The following SORCS3 variants were observed in gnomAD, a reference collection of about 807,000 sequenced individuals.
The protein encoded by SORCS3 is sortilin related VPS10 domain containing receptor 3, also known as VPS10 domain-containing receptor SorCS3.
A neutral mutation model predicts 146.3 loss-of-function variants in SORCS3; 57 were observed. That is an observed-to-expected ratio of 0.39 (90% confidence interval 0.31 to 0.49). The LOEUF (loss-of-function observed/expected upper bound fraction) is 0.49. Among genes scored for constraint, SORCS3 ranks in the 20% least tolerant of loss-of-function variants. SORCS3 has a pLI of 0.92. For synonymous variants in SORCS3, 653 were observed against 618.5 expected, an observed-to-expected ratio of 1.06 and a Z score of -0.83; for missense variants, 1,341 against 1,575.5, an observed-to-expected ratio of 0.85 and a Z score of 2.52.
chr10:105,098,859 G>A lies in SORCS3; in HGVS notation c.1094-6538G>A, dbSNP rs2055764611. 2.6e-5 allele frequency among the ~76,000 whole-genome samples: 4 copies of A among 152,254 alleles called. No homozygotes were observed. The South Asian group carries it at 8.3e-4, about 32-fold the overall frequency. On this transcript the variant is annotated intron_variant, in intron 6 of 26. Transcript: ENST00000369701. ...GGAAAGAGCCCTGAATGGGATGGTA[G>A]GACTGCTGAGATATTCAGTGTCACT...
At chr10:104,860,516 A>G (rs1183379104) in intron 2 of SORCS3, among the ~76,000 whole-genome samples, 1 of 150,238 alleles carries the variant, frequency 6.7e-6, no homozygotes, top group Non-Finnish European at 1.5e-5. Context: ...ACATGTATAC[A>G]CATGTAACTA....
intron 20 of SORCS3, among the ~76,000 whole-genome samples, chr10:105,238,694 T>C (rs2056806858): frequency 6.6e-6 from 1 of 152,226 alleles, no homozygotes. Context: ...TGATATAAGA[T>C]AGAACCAGAT....
chr10:104,878,498 G>A (rs1020287046), intron 2 of SORCS3, among the ~76,000 whole-genome samples: 1 of 152,138 alleles, frequency 6.6e-6, no homozygotes, highest in African/African-American at 2.4e-5. Context: ...AAAAAATTGA[G>A]CTATTGCCTT....
At chr10:105,182,230 C>CTTTTTTTTTTTTTTTTTTTTTTTTTTTTT (rs11340368) in intron 14 of SORCS3, among the ~76,000 whole-genome samples, 4 of 70,486 alleles carry the variant, frequency 5.7e-5, no homozygotes, top group Non-Finnish European at 8.0e-5. Flanking sequence ...TATTCAGCAT[C>CTTTTTTTTTTTTTTTTTTTTTTTTTTTTT]TTTTTTTTTT....
rs74397905 is a variant in SORCS3 at position 105,174,288 on chromosome 10, C to T, written c.1902-3778C>T. Among the ~76,000 whole-genome samples, 731 of 152,230 alleles carry T rather than the reference C, an allele frequency of 4.8e-3. 4 individuals are homozygous for T. The highest frequency in any genetic ancestry group is 0.017 in the African/African-American group (703 of 41,528). On this transcript the variant is annotated intron_variant, in intron 13 of 26. Transcript: ENST00000369701. The stretch of plus-strand genomic sequence containing the variant: ...TACTGATTTCAGTTTCCCTGTGGAG[C>T]TATTAAGGAATTCACAGTTCCTTTG...
intron 4 of SORCS3, among the ~76,000 whole-genome samples, chr10:104,987,030 A>G (rs2054965967): frequency 1.3e-5 from 2 of 152,200 alleles, no homozygotes; most frequent in Admixed American, 1.3e-4. Flanking sequence ...AAACCCCAAT[A>G]TCTGTGAAGC....
chr10:104,731,039 T>G (rs2133452880), intron 1 of SORCS3, among the ~76,000 whole-genome samples: 1 of 152,280 alleles, frequency 6.6e-6, no homozygotes, highest in South Asian at 2.1e-4. Flanking sequence ...GCAGAGTGTA[T>G]TTATCATGGT....
chr10:104,980,365 G>A (rs1046264739), intron 4 of SORCS3, among the ~76,000 whole-genome samples: 9 of 152,208 alleles, frequency 5.9e-5, no homozygotes, highest in Admixed American at 4.6e-4. Flanking sequence ...CACTTGCAGA[G>A]ATGGCATAAA....
Position 105,164,951 on chromosome 10 carries a change from A to G in SORCS3, c.1809+572A>G, listed in dbSNP as rs572860604. Among the ~76,000 whole-genome samples the G allele has an allele frequency of 3.9e-5, 6 of 152,366 alleles. No homozygotes were observed. In the East Asian group the frequency reaches 9.6e-4, roughly 24 times the overall value. On this transcript the variant is annotated intron_variant, in intron 12 of 26. Transcript: ENST00000369701. ...ACAAACACTTACAGCAATGCTGTCCAATAGAATGTTCAGCGATGATGGAAA... is the reference window on the plus strand; with the variant it reads ...ACAAACACTTACAGCAATGCTGTCCGATAGAATGTTCAGCGATGATGGAAA...
At chr10:105,188,165 A>G (rs2056491117) in intron 14 of SORCS3, among the ~76,000 whole-genome samples, 1 of 152,196 alleles carries the variant, frequency 6.6e-6, no homozygotes, top group Non-Finnish European at 1.5e-5. Context: ...AAAGAATAAC[A>G]TGCCAATGAA....
chr10:104,965,588 C>A, intron 3 of SORCS3, among the ~76,000 whole-genome samples: 1 of 152,106 alleles, frequency 6.6e-6, no homozygotes, highest in East Asian at 1.9e-4. Flanking sequence ...TTGTTATTTT[C>A]TGATTTTTTA....
In SORCS3 at chr10:105,212,917, T is replaced by A. The variant is rs557262801; in HGVS notation, c.2376-1525T>A. ...CCAGTGATGACCAAATTAACTATAA[T>A]ATGAGGCATATATGTAATTTCAGAT... On this transcript the variant is annotated intron_variant, in intron 17 of 26. Transcript: ENST00000369701. Among the ~76,000 whole-genome samples the A allele has an allele frequency of 9.2e-5, 14 of 152,308 alleles. No homozygotes were observed. The South Asian group carries it at 2.9e-3, about 32-fold the overall frequency.
chr10:104,806,980 TC>T (rs1235762945), intron 1 of SORCS3, among the ~76,000 whole-genome samples: 1 of 152,126 alleles, frequency 6.6e-6, no homozygotes, highest in Non-Finnish European at 1.5e-5. Context: ...TGGAAAACTT[TC>T]TGGACCTTGG....
intron 2 of SORCS3, among the ~76,000 whole-genome samples, chr10:104,868,058 C>A (rs1290965770): frequency 6.6e-6 from 1 of 152,160 alleles, no homozygotes; most frequent in East Asian, 1.9e-4. Flanking sequence ...GAGCCCCTAT[C>A]CTTGCTTCAT....
At chr10:104,972,509 C>G (rs74155080) in intron 3 of SORCS3, among the ~76,000 whole-genome samples, 2,353 of 151,966 alleles carry the variant, frequency 0.015, 52 homozygotes, top group African/African-American at 0.054. Flanking sequence ...TCAGAAAGAA[C>G]AAAACAAACA....
At chr10:104,842,927 G>A (rs948037997) in intron 2 of SORCS3, 68 bp downstream of exon 2, 64 of 1,241,144 alleles carry the variant, frequency 5.2e-5, no homozygotes, top group South Asian at 3.8e-4. Context: ...AAGCTAAGCA[G>A]TTGGGAAGTG....
intron 1 of SORCS3, among the ~76,000 whole-genome samples, chr10:104,745,803 G>T (rs1391172362): frequency 2.6e-5 from 4 of 152,020 alleles, no homozygotes; most frequent in African/African-American, 9.7e-5. Context: ...ACTATTTTAG[G>T]TTCATTATAT....
At chr10:104,766,740 G>A (rs1211368234) in intron 1 of SORCS3, among the ~76,000 whole-genome samples, 1 of 152,212 alleles carries the variant, frequency 6.6e-6, no homozygotes, top group Non-Finnish European at 1.5e-5. Flanking sequence ...AAAGCAGAGA[G>A]CACACACTGG....
intron 1 of SORCS3, among the ~76,000 whole-genome samples, chr10:104,817,449 T>C (rs1444175761): frequency 1.3e-5 from 1 of 76,150 alleles, no homozygotes; most frequent in East Asian, 6.3e-4. Context: ...CTCCCCCTTC[T>C]CCTTCTTCCT....
Sources: allele counts gnomAD v4.1 joint callset (sites outside exome capture counted in the v4.1 genomes callset), GRCh38; gene constraint gnomAD v4.1.1; transcripts MANE v1.5; gene names NCBI Gene and HGNC (gene_info 2026-07-23, HGNC 2026-07-21).